The following RELN variants were observed in gnomAD, a reference collection of about 807,000 sequenced individuals.
The protein encoded by RELN is reelin.
RELN carries 108 observed loss-of-function variants against 427.6 expected under a neutral mutation model. The ratio of observed to expected loss-of-function variants is 0.25; its 90% CI spans 0.22 to 0.30. The LOEUF is 0.30. Ranked by LOEUF, RELN falls within the 10% of genes least tolerant of loss-of-function variation. The pLI is 1.00. For synonymous variants in RELN, 1,524 were observed against 1,513.4 expected, an observed-to-expected ratio of 1.01 and a Z score of -0.16; for missense variants, 3,715 against 4,302.8, an observed-to-expected ratio of 0.86 and a Z score of 3.82.
At chr7:103,544,588 T>G (rs1830249119) in intron 42 of RELN, among the ~76,000 whole-genome samples, 1 of 152,198 alleles carries the variant, frequency 6.6e-6, no homozygotes, top group African/African-American at 2.4e-5. Flanking sequence ...GACTTTCTTT[T>G]ATGGAGGTGT....
chr7:103,916,815 C>G (rs574901672), intron 2 of RELN, among the ~76,000 whole-genome samples: 1 of 151,984 alleles, frequency 6.6e-6, no homozygotes, highest in Admixed American at 6.6e-5. Flanking sequence ...TACATGAACC[C>G]CAGAGGACCA....
At chr7:103,900,939 T>C (rs1684890751) in intron 2 of RELN, among the ~76,000 whole-genome samples, 1 of 150,908 alleles carries the variant, frequency 6.6e-6, no homozygotes, top group Non-Finnish European at 1.5e-5. Flanking sequence ...TGGGCAAAGA[T>C]GTAAATAGAT....
At position 103,928,488 on chromosome 7, in the gene RELN, G is replaced by A. The variant is rs141140465; in HGVS notation, c.227-11303C>T. 7.9e-3 allele frequency among the ~76,000 whole-genome samples: 1,202 copies of A among 152,330 alleles called. 15 individuals carry two copies. Among genetic ancestry groups the A allele is most frequent in the African/African-American group, 0.027 (1,140 of 41,560 alleles). ...GTCCATCTAGGTGGATTCTGTGTGA[G>A]TGGTCCTGGGATAGACCAACTACAG... On this transcript the variant is annotated intron_variant, in intron 1 of 64. Transcript: ENST00000428762.
chr7:103,710,162 AGGT>A (rs1271583236), intron 8 of RELN, among the ~76,000 whole-genome samples: 1 of 152,170 alleles, frequency 6.6e-6, no homozygotes, highest in African/African-American at 2.4e-5. Flanking sequence ...GCACTGTCTA[AGGT>A]CCTGGGAGAG....
At chr7:103,786,846 G>C (rs1792030797) in intron 3 of RELN, among the ~76,000 whole-genome samples, 1 of 152,104 alleles carries the variant, frequency 6.6e-6, no homozygotes, top group African/African-American at 2.4e-5. Flanking sequence ...CCTGGACCAA[G>C]CGGACCTAAA....
intron 2 of RELN, among the ~76,000 whole-genome samples, chr7:103,855,111 T>C (rs1219375282): frequency 2.0e-5 from 3 of 152,234 alleles, no homozygotes; most frequent in African/African-American, 7.2e-5. Context: ...GAGTATCTGG[T>C]GTACAGACTC....
chr7:103,645,269 A>G (rs146898474), intron 16 of RELN, among the ~76,000 whole-genome samples: 136 of 151,898 alleles, frequency 9.0e-4, no homozygotes, highest in African/African-American at 3.2e-3. Context: ...AGGAATAAAA[A>G]CTCACATGTC....
chr7:103,476,449 C>A (rs190935090), intron 64 of RELN, among the ~76,000 whole-genome samples: 207 of 152,222 alleles, frequency 1.4e-3, no homozygotes, highest in Middle Eastern at 0.01. Context: ...CACTGCACTC[C>A]AGCCTGGGGC....
In RELN at chr7:103,542,936, T is replaced by C. The variant is rs191643470; in HGVS notation, c.6524-58A>G. On this transcript the variant is annotated intron_variant, in intron 42 of 64. Transcript: ENST00000428762. ...ACCCCAACTATAGTGAGTTGTATTATATTTTTAAAAGGAGTATGGTAAATG... is the reference window on the plus strand; with the variant it reads ...ACCCCAACTATAGTGAGTTGTATTACATTTTTAAAAGGAGTATGGTAAATG... The C allele has an allele frequency of 6.7e-5, 105 of 1,558,060 alleles. No individual in the cohort carries two copies. The Admixed American group carries it at 1.7e-3, about 25-fold the overall frequency.
chr7:103,703,296 T>A (rs1834132134), intron 8 of RELN, among the ~76,000 whole-genome samples: 1 of 152,178 alleles, frequency 6.6e-6, no homozygotes, highest in Non-Finnish European at 1.5e-5. Context: ...TAGCTGTATG[T>A]ATAACTAGGT....
At chr7:103,655,532 C>G (rs1319571588) in intron 12 of RELN, among the ~76,000 whole-genome samples, 1 of 151,998 alleles carries the variant, frequency 6.6e-6, no homozygotes, top group Non-Finnish European at 1.5e-5. Flanking sequence ...ATTAAATAAA[C>G]TAAGAAGAAA....
intron 60 of RELN, among the ~76,000 whole-genome samples, chr7:103,488,080 A>G (rs776257909): frequency 6.6e-6 from 1 of 152,078 alleles, no homozygotes; most frequent in Non-Finnish European, 1.5e-5. Context: ...CCCAGAAGGC[A>G]GAGGTTGTAG....
intron 6 of RELN, among the ~76,000 whole-genome samples, chr7:103,729,545 A>G (rs1198653841): frequency 6.6e-6 from 1 of 152,184 alleles, no homozygotes; most frequent in African/African-American, 2.4e-5. Flanking sequence ...TAAATTTGAT[A>G]CAGAATTTGA....
chr7:103,865,132 C>CAAAAAAAAAAAAAAA (rs386410871), intron 2 of RELN, among the ~76,000 whole-genome samples: 1 of 67,206 alleles, frequency 1.5e-5, no homozygotes, highest in Non-Finnish European at 2.7e-5. Flanking sequence ...GAAACTGTCT[C>CAAAAAAAAAAAAAAA]AAAAAAAAAA....
chr7:103,920,567 G>GTTTTTTTTT (rs530809994), intron 1 of RELN, among the ~76,000 whole-genome samples: 16 of 134,242 alleles, frequency 1.2e-4, no homozygotes, highest in African/African-American at 4.1e-4. Flanking sequence ...CCAGTCTTTG[G>GTTTTTTTTT]TTTTTTTTTT....
At chr7:103,931,767 C>T (rs6978991) in intron 1 of RELN, among the ~76,000 whole-genome samples, 37,261 of 152,058 alleles carry the variant, frequency 0.25, 5,727 homozygotes, top group Non-Finnish European at 0.34. Context: ...CTTAGTCCTA[C>T]CCAAAAGTCT....
intron 3 of RELN, among the ~76,000 whole-genome samples, chr7:103,820,236 C>T (rs1328529969): frequency 1.3e-5 from 2 of 151,912 alleles, no homozygotes; most frequent in African/African-American, 4.8e-5. Flanking sequence ...AGTAATAGCA[C>T]TTCATTTTAA....
rs139877387 is a variant in RELN, at chr7:103,729,936, T to G, written c.657-1729A>C. Among the ~76,000 whole-genome samples, 14 of 152,140 alleles carry G rather than the reference T, an allele frequency of 9.2e-5. No individual in the cohort carries two copies. The East Asian group carries it at 2.7e-3, about 29-fold the overall frequency. Reference sequence around the variant, plus strand: ...TAGGGTTTTTTTTTTCCATAGAGACTGTATTATGCAAATGACTTCTTACTA... The same window carrying G: ...TAGGGTTTTTTTTTTCCATAGAGACGGTATTATGCAAATGACTTCTTACTA... On this transcript the variant is annotated intron_variant, in intron 6 of 64. Transcript: ENST00000428762.
chr7:103,952,112 G>T (rs1563108448), intron 1 of RELN, among the ~76,000 whole-genome samples: 2 of 152,316 alleles, frequency 1.3e-5, no homozygotes, highest in South Asian at 2.1e-4. Context: ...AATAATTTAG[G>T]TTGGGTGCCA....
Sources: gnomAD v4.1 joint callset for allele counts (sites outside exome capture counted in the v4.1 genomes callset) on GRCh38, gnomAD v4.1.1 for gene constraint, MANE v1.5 for transcripts, NCBI Gene and HGNC (gene_info 2026-07-23, HGNC 2026-07-21) for gene names.